SLCO6A1: variants seen among roughly 807,000 people sequenced by gnomAD.
The protein encoded by SLCO6A1 is solute carrier organic anion transporter family member 6A1, also known as cancer/testis antigen 48.
In SLCO6A1, 65 loss-of-function variants were observed where a neutral mutation model predicts 72.7. The ratio of observed to expected loss-of-function variants is 0.89; its 90% CI spans 0.73 to 1.10. The LOEUF (loss-of-function observed/expected upper bound fraction) is 1.10. Ranked by LOEUF, SLCO6A1 falls within the 50% of genes least tolerant of loss-of-function variation. The pLI, the probability that SLCO6A1 is intolerant of heterozygous loss-of-function variation, is 0.00. For synonymous variants in SLCO6A1, 314 were observed against 298.2 expected, an observed-to-expected ratio of 1.05 and a Z score of -0.55; for missense variants, 874 against 872.6, an observed-to-expected ratio of 1.00 and a Z score of -0.02.
intron 6 of SLCO6A1, among the ~76,000 whole-genome samples, chr5:102,443,644 C>A (rs1309389173): frequency 6.6e-6 from 1 of 152,146 alleles, no homozygotes; most frequent in Non-Finnish European, 1.5e-5. Context: ...GTAACCAATG[C>A]ACAAGGAAAT....
intron 6 of SLCO6A1, among the ~76,000 whole-genome samples, chr5:102,447,081 T>C (rs1260162902): frequency 6.6e-6 from 1 of 152,206 alleles, no homozygotes; most frequent in Non-Finnish European, 1.5e-5. Context: ...AAAAAGGATA[T>C]TGAATTTTAT....
chr5:102,410,892 A>G (rs778162566), intron 9 of SLCO6A1, among the ~76,000 whole-genome samples: 5 of 152,196 alleles, frequency 3.3e-5, no homozygotes, highest in Non-Finnish European at 7.3e-5. Context: ...CTGATAAACC[A>G]TAGAAGGACT....
chr5:102,452,220 A>G lies in SLCO6A1; in HGVS notation c.1131+6162T>C, dbSNP rs10040092. Among the ~76,000 whole-genome samples the G allele has an allele frequency of 4.5e-3, 681 of 152,324 alleles. 2 individuals are homozygous for G. Among genetic ancestry groups the G allele is most frequent in the African/African-American group, 0.016 (655 of 41,582 alleles). ...CTTACACGTGAGATGAAGAAAAAGG[A>G]TAAGAGGGTTGAGCTCTCTGTTCCA... On this transcript the variant is annotated intron_variant, in intron 6 of 13. Transcript: ENST00000506729.
At chr5:102,484,308 T>C (rs181495098) in intron 1 of SLCO6A1, among the ~76,000 whole-genome samples, 3 of 152,314 alleles carry the variant, frequency 2.0e-5, no homozygotes, top group Admixed American at 2.0e-4. Flanking sequence ...TAGTTTGTTT[T>C]GTTTTGTTTC....
At chr5:102,415,980 C>T (rs984640213) in intron 8 of SLCO6A1, among the ~76,000 whole-genome samples, 1 of 152,080 alleles carries the variant, frequency 6.6e-6, no homozygotes, top group Admixed American at 6.6e-5. Flanking sequence ...GATCATCAAA[C>T]AAATGCAAAT....
intron 9 of SLCO6A1, among the ~76,000 whole-genome samples, chr5:102,412,624 G>A (rs200180586): frequency 9.9e-5 from 15 of 152,084 alleles, no homozygotes; most frequent in East Asian, 7.8e-4. Context: ...AGCTGTGTGC[G>A]GTGGTGTGCG....
intron 8 of SLCO6A1, among the ~76,000 whole-genome samples, chr5:102,415,430 C>A: frequency 6.6e-6 from 1 of 152,042 alleles, no homozygotes. Context: ...TGATCTTTGA[C>A]AAAGTTAACT....
chr5:102,421,675 G>GGGGT (rs1197800060), intron 7 of SLCO6A1, among the ~76,000 whole-genome samples: 4 of 152,192 alleles, frequency 2.6e-5, no homozygotes, highest in African/African-American at 9.7e-5. Flanking sequence ...CCTGGGGGAA[G>GGGGT]GGGTGGCTGC....
chr5:102,463,609 G>T (rs1026761402), intron 4 of SLCO6A1, among the ~76,000 whole-genome samples: 1 of 152,098 alleles, frequency 6.6e-6, no homozygotes, highest in Non-Finnish European at 1.5e-5. Context: ...AAAATAGGCC[G>T]GGCACGGTGG....
intron 7 of SLCO6A1, among the ~76,000 whole-genome samples, chr5:102,424,362 G>A (rs1045103057): frequency 6.6e-6 from 1 of 151,828 alleles, no homozygotes; most frequent in African/African-American, 2.4e-5. Flanking sequence ...TAACAAACTA[G>A]ATACACTGCT....
At chr5:102,482,906 T>A (rs929621854) in intron 1 of SLCO6A1, among the ~76,000 whole-genome samples, 1 of 152,184 alleles carries the variant, frequency 6.6e-6, no homozygotes, top group Non-Finnish European at 1.5e-5. Flanking sequence ...GGTAACTGGT[T>A]GGTTTCACTA....
At chr5:102,413,247 AT>A in intron 8 of SLCO6A1, 104 bp from the exon 9 acceptor site, 4 of 1,180,802 alleles carry the variant, frequency 3.4e-6, no homozygotes, top group Non-Finnish European at 4.7e-6. Context: ...TATTGAAATA[AT>A]TTCTTTTTTT....
At chr5:102,481,506 G>T (rs1283472434) in intron 1 of SLCO6A1, among the ~76,000 whole-genome samples, 1 of 152,196 alleles carries the variant, frequency 6.6e-6, no homozygotes, top group Admixed American at 6.5e-5. Context: ...GTCGAAGTCA[G>T]CTGGGCCCCA....
chr5:102,395,350 TC>T (rs1747011241), intron 10 of SLCO6A1, among the ~76,000 whole-genome samples: 1 of 152,156 alleles, frequency 6.6e-6, no homozygotes, highest in East Asian at 1.9e-4. Context: ...TTCATCCATG[TC>T]CCTACAAAGG....
At position 102,484,331 on chromosome 5, in the gene SLCO6A1, G is replaced by A. The variant is rs569104636; in HGVS notation, c.359-3897C>T. 2.6e-5 allele frequency among the ~76,000 whole-genome samples: 4 copies of A among 152,164 alleles called. No individual in the cohort carries two copies. The South Asian group carries it at 8.3e-4, about 32-fold the overall frequency. The stretch of plus-strand genomic sequence containing the variant: ...TTTGTTTTGTTTCTCCTGGTTCAAT[G>A]ACCGGTACAGAATATTATATCAAAA... On this transcript the variant is annotated intron_variant, in intron 1 of 13. Coordinates refer to ENST00000506729, the MANE Select transcript of SLCO6A1 (RefSeq NM_173488.5).
intron 6 of SLCO6A1, among the ~76,000 whole-genome samples, chr5:102,440,038 G>T (rs6881112): frequency 0.25 from 38,382 of 152,034 alleles, 5,130 homozygotes; most frequent in South Asian, 0.34. Context: ...TATGACTTTT[G>T]CTGGGATCTT....
In SLCO6A1 at chr5:102,438,698, T is replaced by C; in HGVS notation, c.1195A>G (p.Ile399Val). The C allele has an allele frequency of 6.3e-7, 1 of 1,599,408 alleles. No individual in the cohort carries two copies. The highest frequency in any genetic ancestry group is 8.5e-7 in the Non-Finnish European group (1 of 1,173,616). Residue 399 changes from isoleucine to valine, a missense_variant, in exon 7 of 14, where the codon ATT becomes GTT. Ile to Val is a conservative substitution (Grantham distance 29). Transcript: ENST00000506729. ...ALSKATEYLV[I>V]IGASEFLPIY... ...GGCAAAAATTCAGAAGCTCCAATAATAACTAAATATTCTGTAGCTTTTGAC... is the reference window on the plus strand; with the variant it reads ...GGCAAAAATTCAGAAGCTCCAATAACAACTAAATATTCTGTAGCTTTTGAC...
intron 6 of SLCO6A1, among the ~76,000 whole-genome samples, chr5:102,457,364 G>A (rs1246481004): frequency 4.0e-5 from 6 of 151,012 alleles, no homozygotes; most frequent in African/African-American, 1.2e-4. Context: ...CTGACAAAGG[G>A]CTAGTATCCA....
At chr5:102,430,756 G>GT (rs1303669619) in intron 7 of SLCO6A1, among the ~76,000 whole-genome samples, 3 of 151,736 alleles carry the variant, frequency 2.0e-5, no homozygotes, top group East Asian at 1.9e-4. Context: ...CTGAATTTTT[G>GT]TTTTTTTGTT....
Sources: allele counts gnomAD v4.1 joint callset (sites outside exome capture counted in the v4.1 genomes callset), GRCh38; gene constraint gnomAD v4.1.1; transcripts MANE v1.5; gene names NCBI Gene and HGNC (gene_info 2026-07-23, HGNC 2026-07-21).